Variants in KLRG1 observed in about 807,000 individuals in gnomAD.
KLRG1 encodes killer cell lectin like receptor G1, also known as killer cell lectin-like receptor subfamily G member 1.
Under a neutral mutation model 21.8 loss-of-function variants are expected in KLRG1, and 16 were observed. That is an observed-to-expected ratio of 0.73 (90% CI 0.50 to 1.11). The LOEUF (loss-of-function observed/expected upper bound fraction) is 1.11. Ranked by LOEUF, KLRG1 falls within the 50% of genes most tolerant of loss-of-function variation. The probability of loss-of-function intolerance (pLI) is 0.00; values close to 1 mark genes in which losing one functional copy is unlikely to be tolerated. For synonymous variants in KLRG1, 69 were observed against 75.9 expected (o/e 0.91, Z 0.47); for missense variants, 173 against 218.3 (o/e 0.79, Z 1.31).
At chr12:8,993,837 C>A (rs966167407) in intron 2 of KLRG1, among the ~76,000 whole-genome samples, 1 of 152,160 alleles carries the variant, frequency 6.6e-6, no homozygotes, top group Non-Finnish European at 1.5e-5. Flanking sequence ...ATACTACTTT[C>A]CCCACTTTGT....
chr12:9,097,632 CTTTT>C, the KLRG1 span, among the ~76,000 whole-genome samples: 16 of 127,086 alleles, frequency 1.3e-4, no homozygotes, highest in Admixed American at 1.6e-4. Flanking sequence ...TGATGTAATT[CTTTT>C]TTTTTTTTTT....
At chr12:9,171,591 T>C in the KLRG1 span, among the ~76,000 whole-genome samples, 5 of 152,112 alleles carry the variant, frequency 3.3e-5, no homozygotes, top group Admixed American at 1.3e-4. Flanking sequence ...CTGAGAATCA[T>C]GATAAAACAA....
rs199823581 is a variant in KLRG1 at position 8,992,310 on chromosome 12, G to A, written c.187G>A (p.Gly63Ser). 35 of 1,600,008 alleles carry A rather than the reference G, an allele frequency of 2.2e-5. No individual in the cohort carries two copies. In the East Asian group the frequency reaches 7.6e-4, roughly 35 times the overall value. ...GCTATACCAGTGGATCCTGTGCCAG[G>A]GTAAGTGCAAACTTAAACCAAAATT... The part of the protein sequence containing the change: ...VLLYQWILCQ[G>S]SNYSTCASCP... The change falls in exon 2 of 5, where the codon GGC becomes AGC. Residue 63 changes from glycine (G) to serine (S), a missense_variant and splice_region_variant. Around this residue, in one of 3 missense-constraint regions of KLRG1, gnomAD observed 144 missense variants for 161.5 expected, o/e 0.89. Transcript: ENST00000356986.
the KLRG1 span, chr12:9,203,671 T>C: frequency 7.1e-7 from 1 of 1,412,056 alleles, no homozygotes; most frequent in Non-Finnish European, 9.8e-7. Context: ...CTTAAAGTCA[T>C]ACCTTGGGAT....
At chr12:9,004,147 A>G (rs1391012734) in intron 3 of KLRG1, among the ~76,000 whole-genome samples, 1 of 152,162 alleles carries the variant, frequency 6.6e-6, no homozygotes, top group Non-Finnish European at 1.5e-5. Flanking sequence ...TATTGTGAAT[A>G]GTGCCACAAT....
chr12:9,097,565 A>T, the KLRG1 span, among the ~76,000 whole-genome samples: 3 of 152,114 alleles, frequency 2.0e-5, no homozygotes, highest in Admixed American at 1.3e-4. Flanking sequence ...TTCCTCAGAG[A>T]TAATACATAT....
the KLRG1 span, among the ~76,000 whole-genome samples, chr12:9,033,026 C>A: frequency 6.6e-6 from 1 of 152,342 alleles, no homozygotes; most frequent in African/African-American, 2.4e-5. Flanking sequence ...CAAACTCTTT[C>A]TTTACTGCTA....
the KLRG1 span, chr12:9,166,254 G>T: frequency 6.3e-7 from 1 of 1,578,398 alleles, no homozygotes; most frequent in Non-Finnish European, 8.6e-7. Context: ...TTAATTTCAT[G>T]GTGCACATGT....
In KLRG1 at chr12:8,994,121, G is replaced by A. The variant is rs760037571; in HGVS notation, c.188-998G>A. ...GCTCTGTCGCCCAGGCAGGAGTGCAGTGGTGTGATCTTGGCTCACTGCAAC... is the reference window on the plus strand; with the variant it reads ...GCTCTGTCGCCCAGGCAGGAGTGCAATGGTGTGATCTTGGCTCACTGCAAC... On this transcript the variant is annotated intron_variant, in intron 2 of 4. Coordinates refer to ENST00000356986, the MANE Select transcript of KLRG1 (RefSeq NM_005810.4). Among the ~76,000 whole-genome samples, 5 of 152,260 alleles carry A rather than the reference G, an allele frequency of 3.3e-5. No individual in the cohort carries two copies. The South Asian group carries it at 1.0e-3, about 32-fold the overall frequency.
chr12:9,054,213 T>A, the KLRG1 span, among the ~76,000 whole-genome samples: 2 of 152,370 alleles, frequency 1.3e-5, no homozygotes, highest in East Asian at 3.9e-4. Context: ...TGTTTTTATT[T>A]ATTTATCATG....
chr12:9,090,284 A>C, the KLRG1 span: 8 of 1,600,572 alleles, frequency 5.0e-6, no homozygotes, highest in Non-Finnish European at 6.8e-6. Context: ...AGGAAGTAGC[A>C]CTCAATATAA....
chr12:9,193,413 T>C, the KLRG1 span, among the ~76,000 whole-genome samples: 1 of 152,200 alleles, frequency 6.6e-6, no homozygotes, highest in East Asian at 1.9e-4. Flanking sequence ...AAACACATCA[T>C]ACTAATAATT....
At chr12:9,052,030 C>A in the KLRG1 span, among the ~76,000 whole-genome samples, 37 of 152,294 alleles carry the variant, frequency 2.4e-4, 1 homozygote, top group Admixed American at 2.6e-4. Flanking sequence ...ATCTGGGCCC[C>A]AGCTGATGCA....
At chr12:9,086,105 A>G in the KLRG1 span, among the ~76,000 whole-genome samples, 1 of 152,210 alleles carries the variant, frequency 6.6e-6, no homozygotes, top group Non-Finnish European at 1.5e-5. Flanking sequence ...AACTCTGCCA[A>G]AAGCTGGAAG....
the KLRG1 span, among the ~76,000 whole-genome samples, chr12:9,073,136 A>C: frequency 2.6e-5 from 4 of 152,218 alleles, no homozygotes; most frequent in Non-Finnish European, 5.9e-5. Context: ...TATATGTGGG[A>C]CATGGAATGT....
chr12:9,166,351 G>A, the KLRG1 span: 3 of 715,724 alleles, frequency 4.2e-6, no homozygotes, highest in African/African-American at 3.7e-5. Flanking sequence ...GAAATACTTT[G>A]TGATCCCTCA....
chr12:9,025,544 C>T, the KLRG1 span, among the ~76,000 whole-genome samples: 1 of 152,028 alleles, frequency 6.6e-6, no homozygotes, highest in Non-Finnish European at 1.5e-5. Context: ...GAGTGAGGCA[C>T]GAGAATCACT....
the KLRG1 span, among the ~76,000 whole-genome samples, chr12:9,209,940 G>A: frequency 1.3e-5 from 2 of 152,190 alleles, no homozygotes; most frequent in East Asian, 3.9e-4. Flanking sequence ...TTGTATGAAT[G>A]TGGCCGAACC....
the KLRG1 span, among the ~76,000 whole-genome samples, chr12:9,086,091 C>T: frequency 6.6e-6 from 1 of 152,268 alleles, no homozygotes; most frequent in Non-Finnish European, 1.5e-5. Flanking sequence ...ACCAATCCTT[C>T]TCAAACTCTG....
Sources: gnomAD v4.1 joint callset for allele counts (sites outside exome capture counted in the v4.1 genomes callset) on GRCh38, gnomAD v4.1.1 for gene constraint, gnomAD v4.1.1 regional missense constraint, MANE v1.5 for transcripts, NCBI Gene and HGNC (gene_info 2026-07-23, HGNC 2026-07-21) for gene names.